Variants in WWOX observed in about 807,000 individuals in gnomAD.
WWOX encodes the protein WW domain containing oxidoreductase, also known as WW domain-containing oxidoreductase.
WWOX carries 69 observed loss-of-function variants against 46.2 expected under a neutral mutation model. The ratio of observed to expected loss-of-function variants is 1.49; its 90% confidence interval spans 1.23 to 1.82. The LOEUF is 1.82. Among genes scored for constraint, WWOX ranks in the 40% most tolerant of loss-of-function variants. The pLI is 0.00. For missense variants in WWOX, 919 were observed against 542.6 expected (o/e 1.69, Z -6.89); for synonymous variants, 359 against 202.6 (o/e 1.77, Z -6.56).
intron 8 of WWOX, among the ~76,000 whole-genome samples, chr16:78,809,092 G>C (rs1355622997): frequency 6.6e-6 from 1 of 151,988 alleles, no homozygotes; most frequent in South Asian, 2.1e-4. Flanking sequence ...GACACACGGC[G>C]TTCTGCACAC....
chr16:78,645,554 G>A (rs1209524667), intron 8 of WWOX, among the ~76,000 whole-genome samples: 1 of 152,084 alleles, frequency 6.6e-6, no homozygotes. Flanking sequence ...TTCTACTCAT[G>A]GTGGAAAGTG....
intron 4 of WWOX, among the ~76,000 whole-genome samples, chr16:78,162,223 A>G (rs909038614): frequency 1.3e-5 from 2 of 152,178 alleles, no homozygotes; most frequent in East Asian, 1.9e-4. Flanking sequence ...TTCACTAGGT[A>G]TAGAATTCTA....
intron 8 of WWOX, among the ~76,000 whole-genome samples, chr16:78,592,729 A>G (rs553754040): frequency 4.6e-5 from 7 of 152,310 alleles, no homozygotes; most frequent in Non-Finnish European, 7.4e-5. Context: ...AAATTCTTCC[A>G]CATAAAACAA....
intron 8 of WWOX, chr16:78,825,660 A>AG (rs2051632723): frequency 9.5e-6 from 5 of 527,622 alleles, no homozygotes; most frequent in African/African-American, 3.8e-5. Flanking sequence ...CATCATGAAT[A>AG]GGGGGGCCAT....
At chr16:78,613,161 C>G (rs1337748260) in intron 8 of WWOX, among the ~76,000 whole-genome samples, 1 of 152,156 alleles carries the variant, frequency 6.6e-6, no homozygotes, top group East Asian at 1.9e-4. Flanking sequence ...GAGGACTCCC[C>G]TCCATGCCTT....
chr16:78,601,363 G>C (rs968667663), intron 8 of WWOX, among the ~76,000 whole-genome samples: 2 of 151,276 alleles, frequency 1.3e-5, no homozygotes, highest in Non-Finnish European at 2.9e-5. Flanking sequence ...GCTCTAGAAA[G>C]AAACGGGTAA....
At chr16:78,284,287 A>T (rs2079732965) in intron 5 of WWOX, among the ~76,000 whole-genome samples, 1 of 152,122 alleles carries the variant, frequency 6.6e-6, no homozygotes, top group South Asian at 2.1e-4. Flanking sequence ...GGCTTCTTTG[A>T]TTGTAAGGTG....
At chr16:79,108,000 C>A (rs1366506639) in intron 8 of WWOX, among the ~76,000 whole-genome samples, 3 of 152,156 alleles carry the variant, frequency 2.0e-5, no homozygotes, top group Non-Finnish European at 4.4e-5. Context: ...TCCTATTCAG[C>A]ATATGTATTA....
At chr16:78,919,071 C>G (rs749069154) in intron 8 of WWOX, among the ~76,000 whole-genome samples, 6 of 152,104 alleles carry the variant, frequency 3.9e-5, no homozygotes, top group Non-Finnish European at 7.4e-5. Flanking sequence ...GGGGGCTGTT[C>G]CTGTTCCTCA....
chr16:79,067,740 C>T (rs1346942943), intron 8 of WWOX, among the ~76,000 whole-genome samples: 1 of 152,116 alleles, frequency 6.6e-6, no homozygotes, highest in Non-Finnish European at 1.5e-5. Context: ...TTCGCTGTGC[C>T]TATGGTAGTG....
At chr16:78,744,105 T>C (rs1436816891) in intron 8 of WWOX, among the ~76,000 whole-genome samples, 1 of 152,138 alleles carries the variant, frequency 6.6e-6, no homozygotes. Context: ...AGTATTGGGG[T>C]ACACCACAGC....
intron 8 of WWOX, among the ~76,000 whole-genome samples, chr16:78,905,357 T>G (rs2044934765): frequency 6.6e-6 from 1 of 152,238 alleles, no homozygotes; most frequent in Non-Finnish European, 1.5e-5. Context: ...ATCAAGTGAC[T>G]GTTGATGGAC....
chr16:78,575,240 C>T (rs1326289521), intron 8 of WWOX, among the ~76,000 whole-genome samples: 1 of 147,504 alleles, frequency 6.8e-6, no homozygotes, highest in Non-Finnish European at 1.5e-5. Flanking sequence ...AGGTGAGGGC[C>T]AGACAACACA....
At chr16:78,802,306 G>A (rs190999768) in intron 8 of WWOX, among the ~76,000 whole-genome samples, 9 of 144,564 alleles carry the variant, frequency 6.2e-5, no homozygotes, top group Admixed American at 3.7e-4. Context: ...CATTTTCCCA[G>A]CAATGCTATA....
intron 8 of WWOX, among the ~76,000 whole-genome samples, chr16:78,784,528 A>C (rs1400814720): frequency 2.6e-5 from 4 of 152,202 alleles, no homozygotes; most frequent in African/African-American, 9.6e-5. Context: ...AAATTATTTT[A>C]TCTCTCTGAG....
intron 5 of WWOX, among the ~76,000 whole-genome samples, chr16:78,336,612 A>T (rs1231279790): frequency 6.6e-6 from 1 of 151,900 alleles, no homozygotes; most frequent in Admixed American, 6.6e-5. Context: ...CAAACAACAC[A>T]GTCCCCATCT....
intron 8 of WWOX, among the ~76,000 whole-genome samples, chr16:78,988,837 G>A (rs779930307): frequency 6.6e-6 from 1 of 152,126 alleles, no homozygotes; most frequent in Non-Finnish European, 1.5e-5. Context: ...GCATCCCTGG[G>A]GCCAGCATGT....
At chr16:78,372,316 C>G (rs1380862530) in intron 5 of WWOX, among the ~76,000 whole-genome samples, 1 of 152,112 alleles carries the variant, frequency 6.6e-6, no homozygotes, top group African/African-American at 2.4e-5. Flanking sequence ...GATATGGTTC[C>G]TTATGGTCCT....
intron 5 of WWOX, among the ~76,000 whole-genome samples, chr16:78,257,382 T>C (rs1273066057): frequency 6.6e-6 from 1 of 152,180 alleles, no homozygotes; most frequent in East Asian, 1.9e-4. Context: ...CAAACAGTAT[T>C]GATGGATTCG....
Sources: gnomAD v4.1 joint callset for allele counts (sites outside exome capture counted in the v4.1 genomes callset) on GRCh38, gnomAD v4.1.1 for gene constraint, MANE v1.5 for transcripts, NCBI Gene and HGNC (gene_info 2026-07-23, HGNC 2026-07-21) for gene names.